CHRNA7: variants seen among roughly 807,000 people sequenced by gnomAD.
CHRNA7 encodes neuronal acetylcholine receptor subunit alpha-7.
In CHRNA7, 17 loss-of-function variants were observed where a neutral mutation model predicts 48.0. That is an observed-to-expected ratio of 0.35 (90% CI 0.24 to 0.53). CHRNA7 has a LOEUF of 0.53. CHRNA7 is among the 20% of genes least tolerant of loss of function. CHRNA7 has a pLI of 0.92. For synonymous variants in CHRNA7, 75 were observed against 242.3 expected, an observed-to-expected ratio of 0.31 and a Z score of 6.41; for missense variants, 155 against 577.7, an observed-to-expected ratio of 0.27 and a Z score of 7.50.
chr15:32,037,538 A>G lies in CHRNA7; in HGVS notation c.195+6501A>G, dbSNP rs186700978. On this transcript the variant is annotated intron_variant, in intron 2 of 9. Transcript: ENST00000306901. ...CATATTGACAATACTGAATTTTTCT[A>G]TTCATGAACATAGAACAGCTCTTTA... 4.1e-3 allele frequency among the ~76,000 whole-genome samples: 622 copies of G among 152,216 alleles called. 3 individuals are homozygous for G. The highest frequency in any genetic ancestry group is 6.3e-3 in the Non-Finnish European group (427 of 67,980).
At chr15:32,060,708 C>T (rs2049865382) in intron 2 of CHRNA7, among the ~76,000 whole-genome samples, 1 of 152,186 alleles carries the variant, frequency 6.6e-6, no homozygotes, top group African/African-American at 2.4e-5. Context: ...CACAAATTCT[C>T]AGACAAAAAT....
chr15:32,104,720 G>A (rs1477448053), intron 3 of CHRNA7, among the ~76,000 whole-genome samples: 1 of 152,154 alleles, frequency 6.6e-6, no homozygotes, highest in Non-Finnish European at 1.5e-5. Context: ...TGCTTGGGTA[G>A]CGTGACACAA....
In CHRNA7 at chr15:32,097,465, C is replaced by T. The variant is rs181065866; in HGVS notation, c.196-3838C>T. 3.2e-3 allele frequency among the ~76,000 whole-genome samples: 486 copies of T among 152,238 alleles called. 2 individuals carry two copies. The highest frequency in any genetic ancestry group is 0.011 in the African/African-American group (467 of 41,532). On this transcript the variant is annotated intron_variant, in intron 2 of 9. Coordinates refer to ENST00000306901, the MANE Select transcript of CHRNA7 (RefSeq NM_000746.6). The stretch of plus-strand genomic sequence containing the variant: ...GACCTCCCGCGCCCCTTCCACCATG[C>T]GAGGACACAGTGAAAGGTGGCTGCC...
At chr15:32,060,503 A>G (rs1478779629) in intron 2 of CHRNA7, among the ~76,000 whole-genome samples, 1 of 152,254 alleles carries the variant, frequency 6.6e-6, no homozygotes, top group Non-Finnish European at 1.5e-5. Flanking sequence ...TTGAAGGGCA[A>G]TAATGGAACA....
intron 2 of CHRNA7, among the ~76,000 whole-genome samples, chr15:32,072,688 C>T (rs1249556378): frequency 6.6e-6 from 1 of 152,212 alleles, no homozygotes; most frequent in Non-Finnish European, 1.5e-5. Flanking sequence ...CATCCGTGAT[C>T]CTGGAAGCTC....
At chr15:32,082,562 A>T (rs1358150627) in intron 2 of CHRNA7, among the ~76,000 whole-genome samples, 1 of 152,206 alleles carries the variant, frequency 6.6e-6, no homozygotes, top group African/African-American at 2.4e-5. Flanking sequence ...GGGATCATAG[A>T]ATAGAACTTA....
At chr15:32,039,173 A>G (rs1490668954) in intron 2 of CHRNA7, among the ~76,000 whole-genome samples, 1 of 151,962 alleles carries the variant, frequency 6.6e-6, no homozygotes, top group Non-Finnish European at 1.5e-5. Flanking sequence ...GCCTGGCTAG[A>G]TGCTTATTGA....
chr15:32,047,261 C>G (rs1006006833), intron 2 of CHRNA7, among the ~76,000 whole-genome samples: 1 of 146,360 alleles, frequency 6.8e-6, no homozygotes, highest in Non-Finnish European at 1.5e-5. Flanking sequence ...TTACCTTGGG[C>G]AGTATGGCCA....
chr15:32,148,015 C>T (rs920228091), intron 4 of CHRNA7, among the ~76,000 whole-genome samples: 1 of 152,172 alleles, frequency 6.6e-6, no homozygotes, highest in African/African-American at 2.4e-5. Flanking sequence ...CATCCTTCCT[C>T]CTCCCTTCCT....
rs548558099 is a variant in CHRNA7 at position 32,122,194 on chromosome 15, G to A, written c.350+10295G>A. ...ATCGCAGTGGGTGAGGGACTAGTGG[G>A]GCCACTACCCTGTTCCAGGAGGGAG... On this transcript the variant is annotated intron_variant, in intron 4 of 9. Coordinates refer to ENST00000306901, the MANE Select transcript of CHRNA7 (RefSeq NM_000746.6). Among the ~76,000 whole-genome samples, 384 of 152,280 alleles carry A rather than the reference G, an allele frequency of 2.5e-3. 1 individual carries two copies. The highest frequency in any genetic ancestry group is 6.8e-3 in the Middle Eastern group (2 of 294).
intron 9 of CHRNA7, among the ~76,000 whole-genome samples, chr15:32,166,871 G>A (rs2052192454): frequency 8.5e-6 from 1 of 117,452 alleles, no homozygotes; most frequent in African/African-American, 3.6e-5. Flanking sequence ...CTTTAGACCA[G>A]AAGTTAGCAA....
At chr15:32,058,368 T>C (rs990286466) in intron 2 of CHRNA7, among the ~76,000 whole-genome samples, 5 of 152,144 alleles carry the variant, frequency 3.3e-5, no homozygotes, top group African/African-American at 1.2e-4. Flanking sequence ...GTTATGGGCA[T>C]TGGATTAAAG....
chr15:32,108,880 A>G (rs2050716739), intron 3 of CHRNA7, among the ~76,000 whole-genome samples: 2 of 152,152 alleles, frequency 1.3e-5, no homozygotes, highest in African/African-American at 2.4e-5. Flanking sequence ...CAGTTCAGAG[A>G]CAATGATTTA....
intron 2 of CHRNA7, among the ~76,000 whole-genome samples, chr15:32,043,786 C>T (rs111406726): frequency 0.011 from 1,598 of 152,052 alleles, 31 homozygotes; most frequent in African/African-American, 0.036. Context: ...TTTAATTCCT[C>T]CCTGTATCTT....
At chr15:32,137,043 A>G (rs570422246) in intron 4 of CHRNA7, among the ~76,000 whole-genome samples, 28 of 148,024 alleles carry the variant, frequency 1.9e-4, no homozygotes, top group Non-Finnish European at 3.7e-4. Context: ...AAAAAAAAAA[A>G]AAAGAAAAAA....
chr15:32,039,442 AT>A (rs1374778151), intron 2 of CHRNA7, among the ~76,000 whole-genome samples: 3 of 152,074 alleles, frequency 2.0e-5, no homozygotes, highest in Non-Finnish European at 4.4e-5. Context: ...CATCCCACAA[AT>A]TTTGATAAGT....
rs1351045615 is a variant in CHRNA7, at chr15:32,170,576, A to T, written c.*2118A>T. ...AGAAACCTTTTTGGTTTTGTATTTT[A>T]TACAGGAACACAAAATGCAAACAAG... On this transcript the variant is annotated 3_prime_UTR_variant, in exon 10 of 10. Coordinates refer to ENST00000306901, the MANE Select transcript of CHRNA7 (RefSeq NM_000746.6). 10 of 146,434 alleles carry T rather than the reference A, an allele frequency of 6.8e-5. No homozygotes were observed. The Admixed American group carries it at 6.8e-4, about 10-fold the overall frequency. The allele number at this position is 146,434 out of a possible 1,614,324, so 9.1% of individuals were successfully genotyped here.
intron 4 of CHRNA7, among the ~76,000 whole-genome samples, chr15:32,125,354 C>T (rs144809032): frequency 1.1e-4 from 16 of 152,308 alleles, no homozygotes; most frequent in African/African-American, 3.6e-4. Context: ...CACCAAAGCA[C>T]CTGAAAGAGT....
intron 4 of CHRNA7, among the ~76,000 whole-genome samples, chr15:32,122,097 A>G (rs889812447): frequency 6.6e-6 from 1 of 152,100 alleles, no homozygotes; most frequent in African/African-American, 2.4e-5. Flanking sequence ...GCTCCTTGGG[A>G]GCAACCAAGT....
Sources: allele counts gnomAD v4.1 joint callset (sites outside exome capture counted in the v4.1 genomes callset), GRCh38; gene constraint gnomAD v4.1.1; transcripts MANE v1.5; gene names NCBI Gene and HGNC (gene_info 2026-07-23, HGNC 2026-07-21).